Variants in TRPM3 observed in about 807,000 individuals in gnomAD.
TRPM3 encodes the protein long transient receptor potential channel 3.
Under a neutral mutation model 181.2 loss-of-function variants are expected in TRPM3, and 77 were observed. That is an observed-to-expected ratio of 0.42 (90% confidence interval 0.35 to 0.51). The LOEUF (loss-of-function observed/expected upper bound fraction) is 0.51, where lower values mean the gene tolerates loss of function less well. Ranked by LOEUF, TRPM3 falls within the 20% of genes least tolerant of loss-of-function variation. TRPM3 has a pLI of 0.01. For missense variants in TRPM3, 1,759 were observed against 2,196.7 expected, an observed-to-expected ratio of 0.80 and a Z score of 3.98; for synonymous variants, 745 against 796.4, an observed-to-expected ratio of 0.94 and a Z score of 1.09.
intron 1 of TRPM3, among the ~76,000 whole-genome samples, chr9:71,266,960 CAAA>C (rs368684991): frequency 8.0e-6 from 1 of 125,416 alleles, no homozygotes. Context: ...CTTCTCTGGC[CAAA>C]AAAAAAAAAA....
chr9:71,194,617 A>T (rs1297448792), intron 1 of TRPM3, among the ~76,000 whole-genome samples: 1 of 151,948 alleles, frequency 6.6e-6, no homozygotes, highest in African/African-American at 2.4e-5. Flanking sequence ...GAACATACTG[A>T]ACTCTGACGC....
intron 1 of TRPM3, among the ~76,000 whole-genome samples, chr9:71,263,922 G>A (rs577961774): frequency 1.3e-5 from 2 of 152,110 alleles, no homozygotes; most frequent in South Asian, 4.1e-4. Flanking sequence ...TGGGACCACA[G>A]GTGCATGCTA....
At chr9:70,963,284 T>C (rs1172075626) in intron 1 of TRPM3, among the ~76,000 whole-genome samples, 1 of 152,214 alleles carries the variant, frequency 6.6e-6, no homozygotes, top group Non-Finnish European at 1.5e-5. Context: ...AGCATTATCA[T>C]AACCACAGAA....
rs550334798 is a variant in TRPM3 at position 70,667,666 on chromosome 9, C to T, written c.1345+13840G>A. On this transcript the variant is annotated intron_variant, in intron 9 of 25. Transcript: ENST00000677713. ...ACAATAAATCTTTTATATTTTCTCTCTCTTCACTCTCCCTTTTTGTTTCTG... is the reference window on the plus strand; with the variant it reads ...ACAATAAATCTTTTATATTTTCTCTTTCTTCACTCTCCCTTTTTGTTTCTG... Among the ~76,000 whole-genome samples the T allele has an allele frequency of 1.7e-4, 26 of 152,296 alleles. No individual in the cohort carries two copies. In the South Asian group the frequency reaches 4.4e-3, roughly 26 times the overall value.
At chr9:71,201,703 G>C (rs184162414) in intron 1 of TRPM3, among the ~76,000 whole-genome samples, 1 of 151,950 alleles carries the variant, frequency 6.6e-6, no homozygotes, top group Non-Finnish European at 1.5e-5. Flanking sequence ...TGTAGTTCTC[G>C]AGCCTTGGCT....
chr9:70,672,097 A>G (rs1052901469), intron 9 of TRPM3, among the ~76,000 whole-genome samples: 2 of 152,098 alleles, frequency 1.3e-5, no homozygotes. Flanking sequence ...TCTTACCAGC[A>G]TCCTTTCTTT....
At chr9:71,010,215 G>C (rs909903984) in intron 1 of TRPM3, among the ~76,000 whole-genome samples, 16 of 151,912 alleles carry the variant, frequency 1.1e-4, no homozygotes, top group Non-Finnish European at 2.1e-4. Context: ...GGCAACAAAT[G>C]CAAAAAAGAC....
At chr9:71,239,464 G>T (rs1051342106) in intron 1 of TRPM3, among the ~76,000 whole-genome samples, 1 of 152,018 alleles carries the variant, frequency 6.6e-6, no homozygotes, top group Non-Finnish European at 1.5e-5. Flanking sequence ...CTCTCTGCCT[G>T]CTCCAAGTAA....
intron 6 of TRPM3, among the ~76,000 whole-genome samples, chr9:70,792,227 G>A (rs945780735): frequency 6.6e-6 from 1 of 152,164 alleles, no homozygotes; most frequent in Admixed American, 6.6e-5. Context: ...TTGAAGTGGA[G>A]ATCCTGAGCC....
chr9:70,666,989 G>T (rs1244607336), intron 9 of TRPM3, among the ~76,000 whole-genome samples: 1 of 151,696 alleles, frequency 6.6e-6, no homozygotes, highest in Non-Finnish European at 1.5e-5. Context: ...ATAGGATGTT[G>T]TTCTTTTTTT....
chr9:70,813,854 G>C (rs890952012), intron 6 of TRPM3, among the ~76,000 whole-genome samples: 2 of 152,048 alleles, frequency 1.3e-5, no homozygotes, highest in Admixed American at 6.6e-5. Context: ...TCCCCTTAAG[G>C]GTTGTCATAA....
chr9:70,591,081 TA>T lies in TRPM3; in HGVS notation c.3172del (p.Tyr1058ThrfsTer6). 2 of 1,614,198 alleles carry T rather than the reference TA, an allele frequency of 1.2e-6. No individual in the cohort carries two copies. The highest frequency in any genetic ancestry group is 1.7e-6 in the Non-Finnish European group (2 of 1,180,036). ...CCCATAAATCATCCAATAGGGCATG[TA>T]GAAGATGTTCTTGGCCAGTTTCCAT... is the stretch of plus-strand genomic sequence containing the variant. ...PSWKLAKNIFYMPYWMIYGEV... is the reference protein window; with the variant it reads ...PSWKLAKNIFXMPYWMIYGEV... On this transcript the variant is annotated frameshift_variant, in exon 22 of 26. Transcript: ENST00000677713. LOFTEE classifies it high-confidence loss of function.
At chr9:71,096,590 A>ACACACACACACTCTCTCTCTCTCT (rs1452142664) in intron 1 of TRPM3, among the ~76,000 whole-genome samples, 2 of 90,044 alleles carry the variant, frequency 2.2e-5, no homozygotes, top group African/African-American at 1.0e-4. Context: ...ACACACACAC[A>ACACACACACACTCTCTCTCTCTCT]CTCTCTCTCT....
At chr9:71,130,009 T>C (rs971486372) in intron 1 of TRPM3, among the ~76,000 whole-genome samples, 2 of 152,210 alleles carry the variant, frequency 1.3e-5, no homozygotes, top group African/African-American at 4.8e-5. Context: ...AAAAGGGATG[T>C]TTCTAAATAA....
intron 8 of TRPM3, among the ~76,000 whole-genome samples, chr9:70,754,433 CT>C (rs1376478240): frequency 1.3e-5 from 2 of 152,058 alleles, no homozygotes; most frequent in East Asian, 3.9e-4. Context: ...AAGGACCTAT[CT>C]TTTTTAAAGG....
At chr9:71,095,068 AT>A (rs1215336784) in intron 1 of TRPM3, among the ~76,000 whole-genome samples, 1 of 152,174 alleles carries the variant, frequency 6.6e-6, no homozygotes, top group African/African-American at 2.4e-5. Context: ...ACAGATGACT[AT>A]CTACAAAATG....
intron 8 of TRPM3, among the ~76,000 whole-genome samples, chr9:70,752,649 C>A (rs1340273993): frequency 6.6e-6 from 1 of 152,044 alleles, no homozygotes; most frequent in Non-Finnish European, 1.5e-5. Context: ...TTTATTGTAT[C>A]TTTTTATCTT....
intron 7 of TRPM3, among the ~76,000 whole-genome samples, chr9:70,764,423 A>C (rs1467497937): frequency 6.6e-6 from 1 of 152,174 alleles, no homozygotes; most frequent in Non-Finnish European, 1.5e-5. Context: ...TCTACTACCA[A>C]CCATCTGTAA....
chr9:71,414,433 T>C (rs1369567626), intron 1 of TRPM3, among the ~76,000 whole-genome samples: 1 of 151,986 alleles, frequency 6.6e-6, no homozygotes, highest in Admixed American at 6.6e-5. Flanking sequence ...AAGGAAAAAA[T>C]AGATGTGATA....
Sources: allele counts gnomAD v4.1 joint callset (sites outside exome capture counted in the v4.1 genomes callset), GRCh38; gene constraint gnomAD v4.1.1; transcripts MANE v1.5; gene names NCBI Gene and HGNC (gene_info 2026-07-23, HGNC 2026-07-21).